Variants in NDRG4 observed in about 807,000 individuals in gnomAD.
NDRG4 encodes the protein NDRG family member 4.
Under a neutral mutation model 55.8 loss-of-function variants are expected in NDRG4, and 38 were observed. The observed-to-expected ratio is 0.68, with a 90% CI of 0.53 to 0.89. NDRG4 has a LOEUF of 0.89. NDRG4 is among the 40% of genes least tolerant of loss of function. NDRG4 has a pLI of 0.00. For missense variants in NDRG4, 455 were observed against 468.6 expected (o/e 0.97, Z 0.27); for synonymous variants, 190 against 182.7 (o/e 1.04, Z -0.32).
chr16:58,465,098 G>A lies in NDRG4; in HGVS notation c.-24+1301G>A, dbSNP rs1016453039. 1.2e-5 allele frequency: 16 copies of A among 1,285,274 alleles called. No homozygotes were observed. The African/African-American group carries it at 2.0e-4, about 16-fold the overall frequency. The allele number at this position is 1,285,274 out of a possible 1,614,324, so 79.6% of individuals were successfully genotyped here. On this transcript the variant is annotated intron_variant, in intron 1 of 15. Coordinates refer to the NDRG4 transcript ENST00000258187. ...TGGGAAAGGGAGCAGGGACGGGGGG[G>A]AGGATTCGAGGAGTGACTTCTGTGT...
chr16:58,492,951 CAGA>C (rs1240941065), intron 2 of NDRG4, among the ~76,000 whole-genome samples: 3 of 152,096 alleles, frequency 2.0e-5, no homozygotes, highest in Non-Finnish European at 4.4e-5. Flanking sequence ...AACGAATCTG[CAGA>C]AGAAGCCCAA....
At chr16:58,475,556 A>G (rs2033499740) in intron 1 of NDRG4, 1 of 453,598 alleles carries the variant, frequency 2.2e-6, no homozygotes, top group Admixed American at 2.4e-5. Context: ...TGTGTAACAG[A>G]AAACCCATGG....
intron 13 of NDRG4, among the ~76,000 whole-genome samples, chr16:58,509,972 G>A (rs940634063): frequency 6.6e-6 from 1 of 152,152 alleles, no homozygotes; most frequent in African/African-American, 2.4e-5. Context: ...CACACCCCTT[G>A]TGTGTCTCCT....
rs993055627 is a variant in NDRG4, at chr16:58,510,648, C to T, written c.869C>T (p.Ala290Val). The stretch of plus-strand genomic sequence containing the variant: ...CCGGCTCTGTCTTCTCTCTTAGTTG[C>T]GTACTTGAAGGACCGAAGGCTGAGT... ...KYFLQGMGYI[A>V]YLKDRRLSGG... is the part of the protein sequence containing the mutation. The change falls in exon 14 of 15, where the codon GCG (alanine) becomes GTG (valine). Residue 290 changes from alanine (A) to valine (V), a missense_variant. By Grantham distance (64) the Ala-to-Val change is moderately conservative (BLOSUM62 0). Coordinates refer to ENST00000570248, the MANE Select transcript of NDRG4 (RefSeq NM_001242835.2). 34 of 1,535,906 alleles carry T rather than the reference C, an allele frequency of 2.2e-5. No homozygotes were observed. The highest frequency in any genetic ancestry group is 4.1e-5 in the African/African-American group (3 of 73,028).
chr16:58,497,105 T>C (rs560575085), upstream of NDRG4: 85 of 152,236 alleles, frequency 5.6e-4, no homozygotes, highest in African/African-American at 2.0e-3. Context: ...GTGCATCACT[T>C]GAGGTCAGGA....
chr16:58,491,833 G>C (rs1364212528), intron 2 of NDRG4, among the ~76,000 whole-genome samples: 1 of 152,042 alleles, frequency 6.6e-6, no homozygotes, highest in African/African-American at 2.4e-5. Flanking sequence ...AGAGTGCAAG[G>C]GGTGTGACCA....
At chr16:58,491,102 C>T (rs2035732104) in intron 2 of NDRG4, among the ~76,000 whole-genome samples, 1 of 152,068 alleles carries the variant, frequency 6.6e-6, no homozygotes, top group Non-Finnish European at 1.5e-5. Flanking sequence ...CATGGTGAAA[C>T]CCTGTCTCTA....
chr16:58,491,601 C>T (rs1178697517), intron 2 of NDRG4, among the ~76,000 whole-genome samples: 1 of 152,084 alleles, frequency 6.6e-6, no homozygotes, highest in African/African-American at 2.4e-5. Context: ...GCTGGGATTA[C>T]AGGCATGAGC....
chr16:58,468,605 C>T (rs1294277017), intron 1 of NDRG4, among the ~76,000 whole-genome samples: 4 of 152,182 alleles, frequency 2.6e-5, no homozygotes, highest in African/African-American at 9.7e-5. Flanking sequence ...CCTGTAGTCC[C>T]AGCTACTGGG....
chr16:58,464,356 C>T lies in NDRG4; in HGVS notation c.-24+559C>T. On this transcript the variant is annotated intron_variant, in intron 1 of 15. Coordinates refer to the NDRG4 transcript ENST00000258187. This position sits in a 1 kb window ranked among gnomAD's most constrained non-coding sequence, Gnocchi z 4.8. ...CTGCCGCTCCGCTCCGGGTCTCCCG[C>T]GCTCCTCTCCCCGGCTCGGCCGAGC... The T allele has an allele frequency of 1.6e-6, 2 of 1,290,214 alleles. No homozygotes were observed. The highest frequency in any genetic ancestry group is 2.0e-6 in the Non-Finnish European group (2 of 1,001,406). The allele number at this position is 1,290,214 out of a possible 1,614,324, so 79.9% of individuals were successfully genotyped here.
rs534778322 is a variant in NDRG4 at position 58,512,053 on chromosome 16, T to C, written c.*477T>C. 1 of 457,358 alleles carries C rather than the reference T, an allele frequency of 2.2e-6. No homozygotes were observed. Among genetic ancestry groups the C allele is most frequent in the South Asian group, 1.5e-5 (1 of 64,582 alleles). 28.3% of individuals were successfully genotyped at this position (457,358 alleles called of 1,614,324 possible). A position where few individuals can be genotyped will look rare whatever the true frequency, so the allele number is the denominator to read the frequency against. On this transcript the variant is annotated 3_prime_UTR_variant, in exon 15 of 15. Coordinates refer to ENST00000570248, the MANE Select transcript of NDRG4 (RefSeq NM_001242835.2). The stretch of plus-strand genomic sequence containing the variant: ...ACCTGTTTCTGTCTCATAGCACATG[T>C]GACAATCATCTGGACAACAGCCACA...
rs778157962 is a variant in NDRG4 at position 58,506,148 on chromosome 16, GTGTGTGTGTC to G, written c.373-229_373-220del. 2.5e-4 allele frequency: 158 copies of G among 636,306 alleles called. 2 individuals are homozygous for G. The highest frequency in any genetic ancestry group is 8.2e-4 in the Middle Eastern group (3 of 3,678). The allele number at this position is 636,306 out of a possible 1,614,324, so 39.4% of individuals were successfully genotyped here. On this transcript the variant is annotated intron_variant, in intron 5 of 14. Coordinates refer to ENST00000570248, the MANE Select transcript of NDRG4 (RefSeq NM_001242835.2). ...GTTGAAAGAGCGTGTGTGTGTGTGT[GTGTGTGTGTC>G]TGTGTGTGTGTAGGGGTGGAAACAA...
chr16:58,497,704 C>G (rs2036570946), upstream of NDRG4, among the ~76,000 whole-genome samples: 1 of 152,128 alleles, frequency 6.6e-6, no homozygotes, highest in South Asian at 2.1e-4. Context: ...CAGGGTTTGG[C>G]TGGCAAGACC....
chr16:58,503,682 C>G, intron 1 of NDRG4, 116 bp from the exon 2 acceptor site: 3 of 1,548,516 alleles, frequency 1.9e-6, no homozygotes, highest in Non-Finnish European at 2.6e-6. Flanking sequence ...GAACAGGATG[C>G]CCCAAGTAGG....
At chr16:58,505,429 AAAAAC>A (rs1371468326) in intron 5 of NDRG4, among the ~76,000 whole-genome samples, 2 of 149,774 alleles carry the variant, frequency 1.3e-5, no homozygotes, top group Admixed American at 6.8e-5. Flanking sequence ...CAAAAAAAAA[AAAAAC>A]AAAAACCCAA....
intron 1 of NDRG4, among the ~76,000 whole-genome samples, chr16:58,467,868 G>A (rs559116464): frequency 7.2e-5 from 11 of 152,336 alleles, no homozygotes; most frequent in Middle Eastern, 3.4e-3. Context: ...TCCTCAGGCC[G>A]CCTCCCGAGT....
At chr16:58,474,922 G>A (rs758627500) in intron 1 of NDRG4, among the ~76,000 whole-genome samples, 3 of 152,216 alleles carry the variant, frequency 2.0e-5, no homozygotes, top group Admixed American at 6.5e-5. Flanking sequence ...TTTGAGGCAG[G>A]AAAGCTCTGG....
intron 14 of NDRG4, chr16:58,510,930 T>C: frequency 1.7e-6 from 1 of 579,634 alleles, no homozygotes; most frequent in Non-Finnish European, 3.1e-6. Flanking sequence ...GCTCTGGGGA[T>C]AGGAAACAGA....
chr16:58,480,281 C>T (rs1343057542), intron 1 of NDRG4, among the ~76,000 whole-genome samples: 1 of 152,168 alleles, frequency 6.6e-6, no homozygotes, highest in East Asian at 1.9e-4. Flanking sequence ...CCACCACGCC[C>T]GGCTAATTTT....
Sources: allele counts gnomAD v4.1 joint callset (sites outside exome capture counted in the v4.1 genomes callset), GRCh38; gene constraint gnomAD v4.1.1; non-coding constraint Gnocchi (gnomAD v3.1); transcripts MANE v1.5; gene names NCBI Gene and HGNC (gene_info 2026-07-23, HGNC 2026-07-21).